The following TMEFF1 variants were observed in gnomAD, a reference collection of about 807,000 sequenced individuals.
The protein encoded by TMEFF1 is tomoregulin-1.
A neutral mutation model predicts 47.5 loss-of-function variants in TMEFF1; 20 were observed. The observed-to-expected ratio is 0.42, with a 90% CI of 0.30 to 0.61. TMEFF1 has a LOEUF of 0.61. TMEFF1 is among the 20% of genes least tolerant of loss of function. The pLI, the probability that TMEFF1 is intolerant of heterozygous loss-of-function variation, is 0.19. For missense variants in TMEFF1, 411 were observed against 471.1 expected, an observed-to-expected ratio of 0.87 and a Z score of 1.18; for synonymous variants, 162 against 166.3, an observed-to-expected ratio of 0.97 and a Z score of 0.20.
In TMEFF1 at chr9:100,473,526, C is replaced by A. The variant is rs765729785; in HGVS notation, c.-19C>A. 32 of 1,411,608 alleles carry A rather than the reference C, an allele frequency of 2.3e-5. No individual in the cohort carries two copies. In the Admixed American group the frequency reaches 3.9e-4, roughly 17 times the overall value. The allele number at this position is 1,411,608 out of a possible 1,614,324, so 87.4% of individuals were successfully genotyped here. ...GGCCTGCGGCTCCCTGCGCTTCCCGCCGTCCAGGGGCACCAGTCATGGGCG... is the reference window on the plus strand; with the variant it reads ...GGCCTGCGGCTCCCTGCGCTTCCCGACGTCCAGGGGCACCAGTCATGGGCG... On this transcript the variant is annotated 5_prime_UTR_variant, in exon 1 of 10. Transcript: ENST00000374879. The surrounding 1 kb of genome is among the most constrained non-coding windows in gnomAD (Gnocchi z 5.4).
intron 7 of TMEFF1, among the ~76,000 whole-genome samples, chr9:100,553,523 G>A (rs939989795): frequency 1.3e-5 from 2 of 152,180 alleles, no homozygotes; most frequent in African/African-American, 4.8e-5. Context: ...TTAGAGAAGA[G>A]TGCTTGTGAA....
At chr9:100,549,950 T>C in intron 6 of TMEFF1, 145 bp from the exon 7 acceptor site, 4 of 970,160 alleles carry the variant, frequency 4.1e-6, no homozygotes, top group Non-Finnish European at 5.6e-6. Flanking sequence ...AATGACATAA[T>C]TGATTTAGAG....
chr9:100,576,247 C>G (rs1294500031), intron 9 of TMEFF1, among the ~76,000 whole-genome samples: 1 of 152,072 alleles, frequency 6.6e-6, no homozygotes, highest in Non-Finnish European at 1.5e-5. Context: ...TACATAGTAG[C>G]ATAGACACTG....
At chr9:100,533,269 A>G (rs1838434277) in intron 5 of TMEFF1, among the ~76,000 whole-genome samples, 1 of 152,194 alleles carries the variant, frequency 6.6e-6, no homozygotes. Context: ...ATCCGATGCT[A>G]TCTTTAAGGG....
intron 8 of TMEFF1, among the ~76,000 whole-genome samples, chr9:100,568,314 A>G (rs972497494): frequency 2.6e-5 from 4 of 152,152 alleles, no homozygotes; most frequent in African/African-American, 7.2e-5. Context: ...TTTTTATATT[A>G]CTGAGCTTTG....
At chr9:100,476,369 A>G (rs2118221014) in intron 1 of TMEFF1, among the ~76,000 whole-genome samples, 1 of 151,824 alleles carries the variant, frequency 6.6e-6, no homozygotes, top group South Asian at 2.1e-4. Flanking sequence ...TTATCTAGGT[A>G]TCCCCCCACA....
chr9:100,522,984 C>T (rs546234449), intron 5 of TMEFF1, among the ~76,000 whole-genome samples: 4 of 152,110 alleles, frequency 2.6e-5, no homozygotes, highest in Admixed American at 6.5e-5. Context: ...GTGATTCGCC[C>T]GCCTCAGCTT....
chr9:100,516,712 C>A lies in TMEFF1; in HGVS notation c.501C>A (p.His167Gln). 6.2e-7 allele frequency: 1 copy of A among 1,613,796 alleles called. No homozygotes were observed. The highest frequency in any genetic ancestry group is 8.5e-7 in the Non-Finnish European group (1 of 1,179,876). ...CAGGGGCAGAAGTTCACAGAAAACACTCCAAGTGTGGACCCTGCAAATATA... is the reference window on the plus strand; with the variant it reads ...CAGGGGCAGAAGTTCACAGAAAACAATCCAAGTGTGGACCCTGCAAATATA... ...EGSGAEVHRK[H>Q]SKCGPCKYKA... Residue 167 changes from histidine (H) to glutamine (Q), a missense_variant, in exon 5 of 10, where the codon CAC (histidine) becomes CAA (glutamine). Physicochemically the swap from His to Gln is conservative, Grantham distance 24 (BLOSUM62 0). Coordinates refer to ENST00000374879, the MANE Select transcript of TMEFF1 (RefSeq NM_003692.5).
intron 2 of TMEFF1, among the ~76,000 whole-genome samples, chr9:100,508,199 A>G (rs768798032): frequency 6.6e-5 from 10 of 152,166 alleles, no homozygotes; most frequent in Non-Finnish European, 1.3e-4. Context: ...TTTTTAAGTA[A>G]TAATAACTTG....
At chr9:100,528,778 A>T (rs1440120495) in intron 5 of TMEFF1, among the ~76,000 whole-genome samples, 15 of 88,882 alleles carry the variant, frequency 1.7e-4, no homozygotes, top group African/African-American at 6.6e-4. Context: ...CAACTCCAAG[A>T]CACATAATTG....
intron 1 of TMEFF1, among the ~76,000 whole-genome samples, chr9:100,481,345 A>G (rs1257848571): frequency 6.6e-6 from 1 of 152,232 alleles, no homozygotes. Flanking sequence ...GGTTCCCATT[A>G]CATATTTATT....
At chr9:100,496,056 A>G (rs1403866937) in intron 1 of TMEFF1, among the ~76,000 whole-genome samples, 1 of 152,086 alleles carries the variant, frequency 6.6e-6, no homozygotes, top group Non-Finnish European at 1.5e-5. Context: ...CTCCCCATGT[A>G]TTATGTCTTG....
intron 1 of TMEFF1, among the ~76,000 whole-genome samples, chr9:100,483,500 A>AAAAAC (rs1554682156): frequency 1.7e-4 from 26 of 150,612 alleles, no homozygotes; most frequent in Admixed American, 1.5e-3. Context: ...AACATCTCAA[A>AAAAAC]AAACAAACAA....
At chr9:100,484,355 T>C (rs1837406478) in intron 1 of TMEFF1, among the ~76,000 whole-genome samples, 1 of 151,954 alleles carries the variant, frequency 6.6e-6, no homozygotes, top group South Asian at 2.1e-4. Context: ...TCTCTCTCTG[T>C]TGCCCAGGCT....
chr9:100,558,800 A>G (rs964371429), intron 7 of TMEFF1, among the ~76,000 whole-genome samples: 4 of 152,098 alleles, frequency 2.6e-5, no homozygotes, highest in African/African-American at 9.7e-5. Context: ...ATACTTATTT[A>G]TTAAGTACTT....
rs1045478008 is a variant in TMEFF1 at position 100,477,664 on chromosome 9, C to T, written c.196+3924C>T. Among the ~76,000 whole-genome samples, 19 of 123,214 alleles carry T rather than the reference C, an allele frequency of 1.5e-4. 1 individual carries two copies. The highest frequency in any genetic ancestry group is 1.6e-4 in the African/African-American group (5 of 31,854). The allele number at this position is 123,214 out of a possible 152,430, so 80.8% of individuals were successfully genotyped here. Reference sequence around the variant, plus strand: ...TTTTTGAGATGGAGTCTTGCTCTGTCGCCCAGGCTGGAGTGCAGTGGCATG... The same window carrying T: ...TTTTTGAGATGGAGTCTTGCTCTGTTGCCCAGGCTGGAGTGCAGTGGCATG... On this transcript the variant is annotated intron_variant, in intron 1 of 9. Transcript: ENST00000374879.
intron 5 of TMEFF1, among the ~76,000 whole-genome samples, chr9:100,525,907 G>A (rs941898715): frequency 3.9e-5 from 6 of 151,976 alleles, no homozygotes; most frequent in Non-Finnish European, 5.9e-5. Flanking sequence ...AAATTCCTTT[G>A]TCTCTCTCTC....
chr9:100,481,091 T>G (rs1587811822), intron 1 of TMEFF1, among the ~76,000 whole-genome samples: 1 of 152,358 alleles, frequency 6.6e-6, no homozygotes, highest in East Asian at 1.9e-4. Flanking sequence ...AGTTGTTTGC[T>G]CTAATGTCAC....
At chr9:100,516,906 C>A in intron 5 of TMEFF1, 135 bp downstream of exon 5, 3 of 1,001,306 alleles carry the variant, frequency 3.0e-6, no homozygotes, top group Non-Finnish European at 4.2e-6. Flanking sequence ...TAATGCTAGT[C>A]TATTGACTTT....
Sources: allele counts gnomAD v4.1 joint callset (sites outside exome capture counted in the v4.1 genomes callset), GRCh38; gene constraint gnomAD v4.1.1; non-coding constraint Gnocchi (gnomAD v3.1); transcripts MANE v1.5; gene names NCBI Gene and HGNC (gene_info 2026-07-23, HGNC 2026-07-21).